Variants in FAM117B observed in about 807,000 individuals in gnomAD.
The protein encoded by FAM117B is protein FAM117B.
FAM117B carries 22 observed loss-of-function variants against 52.8 expected under a neutral mutation model. The observed-to-expected ratio is 0.42, with a 90% confidence interval of 0.30 to 0.59. The LOEUF (loss-of-function observed/expected upper bound fraction) is 0.59. Among genes scored for constraint, FAM117B ranks in the 20% least tolerant of loss-of-function variants. FAM117B has a pLI of 0.22. For missense variants in FAM117B, 678 were observed against 802.6 expected (o/e 0.84, Z 1.88); for synonymous variants, 309 against 324.1 (o/e 0.95, Z 0.50).
chr2:202,745,795 C>T (rs577376839), intron 4 of FAM117B, among the ~76,000 whole-genome samples: 13 of 152,208 alleles, frequency 8.5e-5, no homozygotes, highest in African/African-American at 2.6e-4. Context: ...ATGCAGGATT[C>T]GCTGTATTTG....
At chr2:202,743,319 C>G (rs1479770151) in intron 4 of FAM117B, among the ~76,000 whole-genome samples, 2 of 152,054 alleles carry the variant, frequency 1.3e-5, no homozygotes, top group African/African-American at 4.8e-5. Flanking sequence ...CATATAGAGA[C>G]TACACTACTG....
intron 1 of FAM117B, among the ~76,000 whole-genome samples, chr2:202,689,945 G>GA (rs961959585): frequency 1.0e-4 from 15 of 150,468 alleles, no homozygotes; most frequent in African/African-American, 3.2e-4. Flanking sequence ...CTGTCTCCAA[G>GA]AAAAAAAAAG....
intron 4 of FAM117B, among the ~76,000 whole-genome samples, chr2:202,734,010 G>A (rs1260506596): frequency 6.6e-6 from 1 of 152,142 alleles, no homozygotes; most frequent in Non-Finnish European, 1.5e-5. Flanking sequence ...TTTGGGAACC[G>A]ATAAATGTCC....
rs574468173 is a variant in FAM117B, at chr2:202,744,706, C to T, written c.961-10832C>T. On this transcript the variant is annotated intron_variant, in intron 4 of 7. Coordinates refer to ENST00000392238, the MANE Select transcript of FAM117B (RefSeq NM_173511.4). The stretch of plus-strand genomic sequence containing the variant: ...AAGGAAAGTTGGCTGGGCATGGTGG[C>T]TCACGCTTGTAAATCCCAGCACTTT... 6.5e-4 allele frequency among the ~76,000 whole-genome samples: 98 copies of T among 150,768 alleles called. 2 individuals carry two copies. The South Asian group carries it at 0.02, about 31-fold the overall frequency.
At chr2:202,739,505 C>T (rs994814008) in intron 4 of FAM117B, among the ~76,000 whole-genome samples, 1 of 146,696 alleles carries the variant, frequency 6.8e-6, no homozygotes, top group African/African-American at 2.5e-5. Flanking sequence ...CTCTGTCACC[C>T]AGGCTAGAAT....
chr2:202,711,481 C>G (rs1349431059), intron 2 of FAM117B, among the ~76,000 whole-genome samples: 1 of 152,116 alleles, frequency 6.6e-6, no homozygotes, highest in Non-Finnish European at 1.5e-5. Context: ...AATATTTTCT[C>G]CCATTCTTTG....
At chr2:202,713,934 C>T (rs958436926) in intron 2 of FAM117B, among the ~76,000 whole-genome samples, 1 of 152,138 alleles carries the variant, frequency 6.6e-6, no homozygotes, top group Non-Finnish European at 1.5e-5. Context: ...CTCAAACTCT[C>T]AACTTCAGGT....
rs71030981 is a variant in FAM117B at position 202,659,604 on chromosome 2, C to CTTTTTTTTT, written c.601+23838_601+23846dup. Among the ~76,000 whole-genome samples the CTTTTTTTTT allele has an allele frequency of 2.1e-4, 13 of 62,286 alleles. 2 individuals are homozygous for CTTTTTTTTT. Among genetic ancestry groups the CTTTTTTTTT allele is most frequent in the African/African-American group, 3.0e-4 (5 of 16,602 alleles). The allele number at this position is 62,286 out of a possible 152,430, so 40.9% of individuals were successfully genotyped here. On this transcript the variant is annotated intron_variant, in intron 1 of 7. Coordinates refer to ENST00000392238, the MANE Select transcript of FAM117B (RefSeq NM_173511.4). ...GAGATTACAGACGTGAGCCACCGTGCTTTTTTTTTTTTTTTTTTTTTTTTT... is the reference window on the plus strand; with the variant it reads ...GAGATTACAGACGTGAGCCACCGTGCTTTTTTTTTTTTTTTTTTTTTTTTTTTTTTTTTT...
intron 3 of FAM117B, 117 bp from the exon 4 acceptor site, chr2:202,726,133 G>T: frequency 1.6e-6 from 1 of 644,754 alleles, no homozygotes; most frequent in East Asian, 2.7e-5. Flanking sequence ...TTGTGATATG[G>T]TTCAAAAATT....
At chr2:202,636,198 A>G (rs984497524) in intron 1 of FAM117B, among the ~76,000 whole-genome samples, 2 of 152,246 alleles carry the variant, frequency 1.3e-5, no homozygotes, top group African/African-American at 4.8e-5. Flanking sequence ...ATGTTGGCAT[A>G]GCCCATATCT....
chr2:202,674,506 G>A (rs936032249), intron 1 of FAM117B, among the ~76,000 whole-genome samples: 1 of 152,218 alleles, frequency 6.6e-6, no homozygotes, highest in African/African-American at 2.4e-5. Flanking sequence ...CTGCACTTCT[G>A]TTCCCCTTCC....
chr2:202,725,163 T>G (rs1244119726), intron 3 of FAM117B, 154 bp downstream of exon 3: 6 of 486,328 alleles, frequency 1.2e-5, no homozygotes, highest in African/African-American at 9.8e-5. Flanking sequence ...TTGTGTTGAT[T>G]TAATAAAGAT....
intron 1 of FAM117B, among the ~76,000 whole-genome samples, chr2:202,639,571 A>G (rs1050955850): frequency 6.6e-6 from 1 of 152,172 alleles, no homozygotes; most frequent in African/African-American, 2.4e-5. Flanking sequence ...ATAGATTACA[A>G]ATGGAGAGAT....
Position 202,687,398 on chromosome 2 carries a change from T to C in FAM117B, c.602-8483T>C, listed in dbSNP as rs558757362. Among the ~76,000 whole-genome samples, 305 of 152,262 alleles carry C rather than the reference T, an allele frequency of 2.0e-3. 1 individual carries two copies. The highest frequency in any genetic ancestry group is 7.2e-3 in the African/African-American group (300 of 41,570). On this transcript the variant is annotated intron_variant, in intron 1 of 7. Transcript: ENST00000392238. ...TAATGGCGTATTTGGCTTTCAAAAC[T>C]CCAAAGATGGGTGCAGATTTATTTA...
At chr2:202,646,572 A>C (rs1231506635) in intron 1 of FAM117B, among the ~76,000 whole-genome samples, 1 of 152,084 alleles carries the variant, frequency 6.6e-6, no homozygotes, top group Non-Finnish European at 1.5e-5. Context: ...TTTGTTCTGG[A>C]GACTCCTTGG....
chr2:202,658,466 C>G (rs1162718965), intron 1 of FAM117B, among the ~76,000 whole-genome samples: 1 of 152,004 alleles, frequency 6.6e-6, no homozygotes, highest in African/African-American at 2.4e-5. Flanking sequence ...CCACACCTGG[C>G]TAATTTTATA....
At chr2:202,655,749 A>AGTGTGTGTGTGT (rs1559095433) in intron 1 of FAM117B, among the ~76,000 whole-genome samples, 3 of 133,744 alleles carry the variant, frequency 2.2e-5, no homozygotes, top group African/African-American at 1.1e-4. Context: ...AGAGAGAGAG[A>AGTGTGTGTGTGT]GAGAGAGAGA....
chr2:202,680,228 G>A (rs1368121773), intron 1 of FAM117B, among the ~76,000 whole-genome samples: 4 of 152,012 alleles, frequency 2.6e-5, no homozygotes, highest in Non-Finnish European at 5.9e-5. Flanking sequence ...GGGCGTGATT[G>A]TACTCTCAGA....
intron 4 of FAM117B, among the ~76,000 whole-genome samples, chr2:202,730,666 T>C (rs574236265): frequency 1.3e-5 from 2 of 152,148 alleles, no homozygotes; most frequent in South Asian, 4.1e-4. Flanking sequence ...GTTCTCTAAA[T>C]AAACAAACAA....
Sources: allele counts gnomAD v4.1 joint callset (sites outside exome capture counted in the v4.1 genomes callset), GRCh38; gene constraint gnomAD v4.1.1; transcripts MANE v1.5; gene names NCBI Gene and HGNC (gene_info 2026-07-23, HGNC 2026-07-21).